The following GRAP2 variants were observed in gnomAD, a reference collection of about 807,000 sequenced individuals.
GRAP2 encodes GRB2-related adapter protein 2.
A neutral mutation model predicts 43.5 loss-of-function variants in GRAP2; 31 were observed. That is an observed-to-expected ratio of 0.71 (90% CI 0.54 to 0.96). The LOEUF is 0.96. Among genes scored for constraint, GRAP2 ranks in the 40% least tolerant of loss-of-function variants. The pLI, the probability that GRAP2 is intolerant of heterozygous loss-of-function variation, is 0.00. For missense variants in GRAP2, 371 were observed against 424.4 expected (o/e 0.87, Z 1.11); for synonymous variants, 156 against 164.8 (o/e 0.95, Z 0.41).
chr22:39,929,929 T>A (rs1055695663), intron 1 of GRAP2, among the ~76,000 whole-genome samples: 1 of 151,818 alleles, frequency 6.6e-6, no homozygotes. Flanking sequence ...AACTCAAGAG[T>A]CGTTCTAGAC....
chr22:39,953,157 T>C (rs1298004393), intron 2 of GRAP2, among the ~76,000 whole-genome samples: 1 of 152,206 alleles, frequency 6.6e-6, no homozygotes, highest in Non-Finnish European at 1.5e-5. Flanking sequence ...TCCACCCACT[T>C]TCTGATGACT....
intron 1 of GRAP2, among the ~76,000 whole-genome samples, chr22:39,920,790 T>TAC (rs149221020): frequency 2.0e-5 from 3 of 151,250 alleles, no homozygotes; most frequent in East Asian, 3.9e-4. Flanking sequence ...GTCTTATAAA[T>TAC]ACACACACAC....
chr22:39,921,967 A>G (rs1045042964), intron 1 of GRAP2, among the ~76,000 whole-genome samples: 1 of 152,162 alleles, frequency 6.6e-6, no homozygotes, highest in Non-Finnish European at 1.5e-5. Context: ...GTTGAGTTCC[A>G]TCATATTGTC....
chr22:39,969,030 C>T (rs1038389699), intron 6 of GRAP2, among the ~76,000 whole-genome samples: 3 of 152,132 alleles, frequency 2.0e-5, no homozygotes, highest in South Asian at 2.1e-4. Flanking sequence ...CTTGATTTCC[C>T]GGGCAGATAC....
intron 7 of GRAP2, among the ~76,000 whole-genome samples, chr22:39,970,004 C>T (rs1312806148): frequency 1.3e-5 from 2 of 152,204 alleles, no homozygotes; most frequent in Non-Finnish European, 2.9e-5. Flanking sequence ...GAGCCAGCAC[C>T]GTCCAGTCTG....
rs754381591 is a variant in GRAP2 at position 39,960,188 on chromosome 22, C to G, written c.290+14C>G. The G allele has an allele frequency of 4.3e-6, 7 of 1,612,122 alleles. No individual in the cohort carries two copies. The highest frequency in any genetic ancestry group is 2.7e-5 in the African/African-American group (2 of 74,902). ...CATCTCTGTCAGGTACTGACCATTC[C>G]TGACACTGCCTTGGCCCTTCTCGGC... On this transcript the variant is annotated intron_variant, in intron 4 of 7. Coordinates refer to ENST00000344138, the MANE Select transcript of GRAP2 (RefSeq NM_004810.4).
intron 1 of GRAP2, among the ~76,000 whole-genome samples, chr22:39,942,174 C>G (rs1210549924): frequency 6.6e-6 from 1 of 152,006 alleles, no homozygotes. Flanking sequence ...AAGAATATAC[C>G]TATTGTGTAC....
intron 1 of GRAP2, among the ~76,000 whole-genome samples, chr22:39,928,906 C>G (rs530385423): frequency 6.6e-6 from 1 of 152,188 alleles, no homozygotes; most frequent in Non-Finnish European, 1.5e-5. Flanking sequence ...AACCACATAA[C>G]GTTGGTGCAA....
chr22:39,935,322 C>T lies in GRAP2; in HGVS notation c.-14-11771C>T, dbSNP rs543537802. On this transcript the variant is annotated intron_variant, in intron 1 of 7. Coordinates refer to ENST00000344138, the MANE Select transcript of GRAP2 (RefSeq NM_004810.4). ...AGCTCACTCCAATCCCAGCCGTCCC[C>T]GATGCCCATTGTCTATCATCTCAAT... Among the ~76,000 whole-genome samples, 9 of 152,302 alleles carry T rather than the reference C, an allele frequency of 5.9e-5. No individual in the cohort carries two copies. In the East Asian group the frequency reaches 1.2e-3, roughly 20 times the overall value.
intron 1 of GRAP2, among the ~76,000 whole-genome samples, chr22:39,943,066 G>A (rs1378295785): frequency 6.6e-6 from 1 of 152,204 alleles, no homozygotes; most frequent in Non-Finnish European, 1.5e-5. Context: ...CCCTTTGTAA[G>A]AGATACATAA....
intron 1 of GRAP2, among the ~76,000 whole-genome samples, chr22:39,940,803 T>C (rs1052196499): frequency 2.0e-5 from 3 of 152,140 alleles, no homozygotes; most frequent in African/African-American, 7.2e-5. Context: ...TCTAAGCAAT[T>C]CTGTATTTTA....
chr22:39,942,437 A>T (rs985790081), intron 1 of GRAP2, among the ~76,000 whole-genome samples: 8 of 152,172 alleles, frequency 5.3e-5, no homozygotes, highest in African/African-American at 1.9e-4. Context: ...CCTAAAGTGT[A>T]AACTACTCTC....
chr22:39,916,073 C>T (rs1033870185), intron 1 of GRAP2, among the ~76,000 whole-genome samples: 1 of 152,216 alleles, frequency 6.6e-6, no homozygotes, highest in African/African-American at 2.4e-5. Flanking sequence ...GGCTAACCCC[C>T]AATCCACCCT....
At chr22:39,953,605 G>T (rs1051820184) in intron 2 of GRAP2, among the ~76,000 whole-genome samples, 1 of 151,972 alleles carries the variant, frequency 6.6e-6, no homozygotes, top group African/African-American at 2.4e-5. Flanking sequence ...GAGCTCTGTC[G>T]CTCTCTCGCT....
intron 2 of GRAP2, among the ~76,000 whole-genome samples, chr22:39,952,820 T>G (rs978937457): frequency 6.6e-6 from 1 of 152,166 alleles, no homozygotes; most frequent in Non-Finnish European, 1.5e-5. Flanking sequence ...GGAATTGTAT[T>G]TTTTGAAAAG....
intron 1 of GRAP2, among the ~76,000 whole-genome samples, chr22:39,938,424 C>T (rs149882079): frequency 9.4e-4 from 143 of 152,272 alleles, no homozygotes; most frequent in African/African-American, 2.9e-3. Flanking sequence ...AACCTTCTGA[C>T]GGGGGAGATT....
At chr22:39,920,953 C>T (rs1243294213) in intron 1 of GRAP2, among the ~76,000 whole-genome samples, 2 of 86,028 alleles carry the variant, frequency 2.3e-5, no homozygotes, top group African/African-American at 2.5e-4. Flanking sequence ...GACACACACA[C>T]ACACACACAC....
At chr22:39,896,771 T>A (rs117015688), upstream of GRAP2, among the ~76,000 whole-genome samples, 12 of 152,212 alleles carry the variant, frequency 7.9e-5, no homozygotes, top group African/African-American at 2.7e-4. Flanking sequence ...GTCCTTCTTA[T>A]CTGCTTTCCT....
chr22:39,960,205 C>T, intron 4 of GRAP2, 31 bp downstream of exon 4: 1 of 1,604,716 alleles, frequency 6.2e-7, no homozygotes, highest in East Asian at 2.2e-5. Context: ...TGCCTTGGCC[C>T]TTCTCGGCCT....
Sources: allele counts gnomAD v4.1 joint callset (sites outside exome capture counted in the v4.1 genomes callset), GRCh38; gene constraint gnomAD v4.1.1; transcripts MANE v1.5; gene names NCBI Gene and HGNC (gene_info 2026-07-23, HGNC 2026-07-21).